Variants in ANKS1B observed in about 807,000 individuals in gnomAD.
ANKS1B encodes ankyrin repeat and sterile alpha motif domain-containing protein 1B.
A neutral mutation model predicts 148.3 loss-of-function variants in ANKS1B; 36 were observed. The observed-to-expected ratio is 0.24, with a 90% CI of 0.19 to 0.32. The LOEUF (loss-of-function observed/expected upper bound fraction) is 0.32. Among genes scored for constraint, ANKS1B ranks in the 10% least tolerant of loss-of-function variants. The pLI, the probability that ANKS1B is intolerant of heterozygous loss-of-function variation, is 1.00. For missense variants in ANKS1B, 1,157 were observed against 1,542.6 expected, an observed-to-expected ratio of 0.75 and a Z score of 4.19; for synonymous variants, 542 against 560.8, an observed-to-expected ratio of 0.97 and a Z score of 0.47.
intron 12 of ANKS1B, among the ~76,000 whole-genome samples, chr12:99,332,303 T>A (rs1157769415): frequency 5.3e-5 from 8 of 152,026 alleles, no homozygotes; most frequent in African/African-American, 1.7e-4. Flanking sequence ...CGATGTGCTG[T>A]CTAAGACTTT....
At chr12:98,781,313 A>AACACACACAC (rs59308427) in intron 23 of ANKS1B, 110 bp from the exon 24 acceptor site, 1 of 613,440 alleles carries the variant, frequency 1.6e-6, no homozygotes, top group Non-Finnish European at 3.0e-6. Context: ...AAACAACAAC[A>AACACACACAC]ACACACACAC....
At chr12:99,653,678 CTTTTTTTTTTTTTTT>C (rs199988255) in intron 9 of ANKS1B, among the ~76,000 whole-genome samples, 39 of 113,560 alleles carry the variant, frequency 3.4e-4, no homozygotes, top group African/African-American at 1.2e-3. Context: ...TTCTTTCTTT[CTTTTTTTTTTTTTTT>C]TTTTGAGACA....
chr12:99,624,289 A>G (rs2098087921), intron 9 of ANKS1B, among the ~76,000 whole-genome samples: 1 of 152,136 alleles, frequency 6.6e-6, no homozygotes. Flanking sequence ...AAGACCTCTA[A>G]TTGTCAAAAT....
chr12:99,016,890 C>T (rs1330058768), intron 17 of ANKS1B, among the ~76,000 whole-genome samples: 1 of 152,172 alleles, frequency 6.6e-6, no homozygotes, highest in Non-Finnish European at 1.5e-5. Context: ...AGGGACTTGG[C>T]TGTAGGGTTG....
chr12:99,397,587 C>G (rs894329400), intron 12 of ANKS1B, among the ~76,000 whole-genome samples: 1 of 151,990 alleles, frequency 6.6e-6, no homozygotes, highest in East Asian at 1.9e-4. Flanking sequence ...AACTCTAGTA[C>G]CAGGTTTGAG....
At chr12:99,943,326 G>A (rs753593554) in intron 1 of ANKS1B, among the ~76,000 whole-genome samples, 14 of 152,094 alleles carry the variant, frequency 9.2e-5, no homozygotes, top group South Asian at 2.1e-4. Context: ...CAAGTAAAAC[G>A]GTTATAAAAC....
chr12:99,570,110 C>A (rs114740845), intron 9 of ANKS1B, among the ~76,000 whole-genome samples: 1 of 152,062 alleles, frequency 6.6e-6, no homozygotes, highest in South Asian at 2.1e-4. Flanking sequence ...AAGCCTTGAA[C>A]CTTGCTTCTG....
chr12:99,744,080 A>G (rs2060363397), intron 8 of ANKS1B, among the ~76,000 whole-genome samples: 1 of 152,184 alleles, frequency 6.6e-6, no homozygotes, highest in African/African-American at 2.4e-5. Flanking sequence ...CATGGATTTC[A>G]GTATCCTTTG....
intron 9 of ANKS1B, among the ~76,000 whole-genome samples, chr12:99,523,473 A>G (rs756806646): frequency 8.5e-5 from 13 of 152,144 alleles, no homozygotes; most frequent in Non-Finnish European, 1.5e-4. Context: ...TTTGCAGTAT[A>G]AAACTGGCTG....
intron 1 of ANKS1B, among the ~76,000 whole-genome samples, chr12:99,926,261 G>A (rs1045770829): frequency 6.6e-6 from 1 of 152,196 alleles, no homozygotes; most frequent in African/African-American, 2.4e-5. Context: ...ATTCTAGCAA[G>A]TACCACCTTG....
At chr12:99,289,043 CTCA>C (rs1253992609) in intron 12 of ANKS1B, among the ~76,000 whole-genome samples, 1 of 151,886 alleles carries the variant, frequency 6.6e-6, no homozygotes, top group African/African-American at 2.4e-5. Flanking sequence ...CCTATAAAAA[CTCA>C]TCGAGACTGA....
At chr12:99,590,917 C>G (rs1171998768) in intron 9 of ANKS1B, among the ~76,000 whole-genome samples, 1 of 152,092 alleles carries the variant, frequency 6.6e-6, no homozygotes, top group East Asian at 1.9e-4. Context: ...TGTTTATTTT[C>G]TTACTTTGAA....
intron 17 of ANKS1B, among the ~76,000 whole-genome samples, chr12:98,890,542 AACT>A (rs1156992486): frequency 2.0e-5 from 3 of 152,240 alleles, no homozygotes; most frequent in Non-Finnish European, 4.4e-5. Flanking sequence ...CTAGAAAAAT[AACT>A]ACAACATGGT....
At chr12:99,622,440 A>T (rs1196926248) in intron 9 of ANKS1B, among the ~76,000 whole-genome samples, 1 of 152,002 alleles carries the variant, frequency 6.6e-6, no homozygotes, top group Non-Finnish European at 1.5e-5. Context: ...AAAAATAATC[A>T]ATGAAACCAA....
chr12:99,592,247 C>G (rs752132078), intron 9 of ANKS1B, among the ~76,000 whole-genome samples: 1 of 152,014 alleles, frequency 6.6e-6, no homozygotes, highest in African/African-American at 2.4e-5. Flanking sequence ...ACACGAAATG[C>G]TCTTTATTTT....
chr12:99,799,376 G>C (rs1056629464), intron 4 of ANKS1B, among the ~76,000 whole-genome samples: 2 of 152,020 alleles, frequency 1.3e-5, no homozygotes, highest in Non-Finnish European at 2.9e-5. Context: ...CTCATTTAAG[G>C]AGCACATCCA....
rs113892937 is a variant in ANKS1B, at chr12:99,555,871, T to G, written c.1273-51230A>C. On this transcript the variant is annotated intron_variant, in intron 9 of 26. Transcript: ENST00000683438. ...TTAAGGATTTTTGCATCTATGTTCA[T>G]CAAGGATATTGGCCTGAAGATTTGT... 5.2e-3 allele frequency among the ~76,000 whole-genome samples: 796 copies of G among 152,362 alleles called. 4 individuals carry two copies. Among genetic ancestry groups the G allele is most frequent in the Non-Finnish European group, 7.6e-3 (515 of 68,028 alleles).
chr12:99,641,406 C>A (rs930778477), intron 9 of ANKS1B, among the ~76,000 whole-genome samples: 1 of 152,098 alleles, frequency 6.6e-6, no homozygotes, highest in African/African-American at 2.4e-5. Context: ...GCAGAAACCA[C>A]ACATAATTCC....
At chr12:99,940,256 T>G (rs1434167413) in intron 1 of ANKS1B, among the ~76,000 whole-genome samples, 1 of 152,142 alleles carries the variant, frequency 6.6e-6, no homozygotes, top group Non-Finnish European at 1.5e-5. Flanking sequence ...AACATCTGGG[T>G]CAGTTCTATG....
Sources: gnomAD v4.1 joint callset for allele counts (sites outside exome capture counted in the v4.1 genomes callset) on GRCh38, gnomAD v4.1.1 for gene constraint, MANE v1.5 for transcripts, NCBI Gene and HGNC (gene_info 2026-07-23, HGNC 2026-07-21) for gene names.